Variants in RIMS1 observed in about 807,000 individuals in gnomAD.
RIMS1 encodes the protein regulating synaptic membrane exocytosis 1.
RIMS1 carries 83 observed loss-of-function variants against 214.1 expected under a neutral mutation model. The ratio of observed to expected loss-of-function variants is 0.39; its 90% CI spans 0.32 to 0.47. The LOEUF (loss-of-function observed/expected upper bound fraction) is 0.47, where lower values mean the gene tolerates loss of function less well. RIMS1 is among the 20% of genes least tolerant of loss of function. The pLI is 0.99. For missense variants in RIMS1, 2,050 were observed against 2,161.8 expected (o/e 0.95, Z 1.03); for synonymous variants, 793 against 786.8 (o/e 1.01, Z -0.13).
chr6:72,164,555 T>C (rs2045991141), intron 4 of RIMS1, among the ~76,000 whole-genome samples: 1 of 152,244 alleles, frequency 6.6e-6, no homozygotes, highest in Non-Finnish European at 1.5e-5. Context: ...TATTTTTCTG[T>C]AGTTTTATTA....
chr6:71,963,445 T>G (rs1177263917), intron 1 of RIMS1, among the ~76,000 whole-genome samples: 1 of 152,172 alleles, frequency 6.6e-6, no homozygotes, highest in Non-Finnish European at 1.5e-5. Flanking sequence ...AAGTTCTTCT[T>G]ATTTTCCTGC....
At chr6:71,994,794 C>A (rs1177932630) in intron 2 of RIMS1, among the ~76,000 whole-genome samples, 1 of 152,104 alleles carries the variant, frequency 6.6e-6, no homozygotes, top group African/African-American at 2.4e-5. Flanking sequence ...TAATTTCTCC[C>A]TTAAATTATG....
chr6:72,325,546 T>C (rs1218311135), intron 28 of RIMS1, among the ~76,000 whole-genome samples: 1 of 151,496 alleles, frequency 6.6e-6, no homozygotes, highest in African/African-American at 2.4e-5. Context: ...TTTTATGTAC[T>C]AGCAACAAAC....
At chr6:72,117,683 G>A (rs551196921) in intron 4 of RIMS1, among the ~76,000 whole-genome samples, 95 of 151,900 alleles carry the variant, frequency 6.3e-4, no homozygotes, top group African/African-American at 2.1e-3. Context: ...TTATATTTAG[G>A]TTAACAATGA....
intron 4 of RIMS1, among the ~76,000 whole-genome samples, chr6:72,141,260 G>A (rs2042045367): frequency 6.6e-6 from 1 of 151,990 alleles, no homozygotes; most frequent in African/African-American, 2.4e-5. Context: ...GATAATAAAA[G>A]CATCAGTGAC....
intron 4 of RIMS1, among the ~76,000 whole-genome samples, chr6:72,107,333 A>T (rs1267575504): frequency 6.6e-6 from 1 of 152,118 alleles, no homozygotes; most frequent in Non-Finnish European, 1.5e-5. Context: ...GGCTGCGGGG[A>T]GTGGATCACC....
intron 6 of RIMS1, among the ~76,000 whole-genome samples, chr6:72,186,350 C>T (rs530686078): frequency 6.6e-6 from 1 of 152,310 alleles, no homozygotes; most frequent in Non-Finnish European, 1.5e-5. Flanking sequence ...CTATATAATG[C>T]TGTAGCCCCA....
At chr6:72,128,109 T>G (rs1468098904) in intron 4 of RIMS1, among the ~76,000 whole-genome samples, 7 of 152,190 alleles carry the variant, frequency 4.6e-5, no homozygotes, top group Admixed American at 4.6e-4. Context: ...CCTGCTGAAG[T>G]TAGACTACTC....
At chr6:72,135,853 C>T (rs750999006) in intron 4 of RIMS1, among the ~76,000 whole-genome samples, 1 of 152,120 alleles carries the variant, frequency 6.6e-6, no homozygotes, top group Non-Finnish European at 1.5e-5. Context: ...CCCATTTACA[C>T]CAAACCCACG....
chr6:72,048,189 T>G (rs1823602733), intron 2 of RIMS1, among the ~76,000 whole-genome samples: 1 of 152,168 alleles, frequency 6.6e-6, no homozygotes, highest in Non-Finnish European at 1.5e-5. Context: ...GTGGCAAATA[T>G]AACAAGAGCT....
chr6:72,345,277 A>G (rs764503406), intron 29 of RIMS1, among the ~76,000 whole-genome samples: 10 of 151,850 alleles, frequency 6.6e-5, no homozygotes, highest in African/African-American at 9.7e-5. Flanking sequence ...TATCACCACT[A>G]ATTGCAAAGT....
chr6:72,343,733 T>A (rs1336115520), intron 29 of RIMS1, among the ~76,000 whole-genome samples: 4 of 151,602 alleles, frequency 2.6e-5, no homozygotes, highest in Admixed American at 6.6e-5. Flanking sequence ...AGGAGGTCCA[T>A]AGTGGAGTTC....
chr6:72,164,892 A>G (rs1438229123), intron 4 of RIMS1, among the ~76,000 whole-genome samples: 1 of 152,160 alleles, frequency 6.6e-6, no homozygotes, highest in Non-Finnish European at 1.5e-5. Flanking sequence ...TTGAGGTTTC[A>G]CACTTATGAC....
chr6:71,972,219 A>G (rs1255885405), intron 2 of RIMS1, among the ~76,000 whole-genome samples: 1 of 152,158 alleles, frequency 6.6e-6, no homozygotes, highest in Non-Finnish European at 1.5e-5. Flanking sequence ...ATCAAGAAAT[A>G]AGGGATGAAA....
intron 31 of RIMS1, among the ~76,000 whole-genome samples, chr6:72,395,953 A>G (rs1001417308): frequency 6.6e-6 from 1 of 151,824 alleles, no homozygotes; most frequent in African/African-American, 2.4e-5. Context: ...TAAAAATTAT[A>G]TATATAATTG....
chr6:72,254,520 A>C (rs2074951064), intron 16 of RIMS1, among the ~76,000 whole-genome samples: 1 of 152,216 alleles, frequency 6.6e-6, no homozygotes, highest in South Asian at 2.1e-4. Flanking sequence ...CAGGAATCTT[A>C]ACTATTAGTC....
At chr6:71,926,827 T>C (rs1390375685) in intron 1 of RIMS1, among the ~76,000 whole-genome samples, 1 of 152,208 alleles carries the variant, frequency 6.6e-6, no homozygotes, top group Non-Finnish European at 1.5e-5. Flanking sequence ...AATCAGGATA[T>C]AATATTTGTT....
At chr6:71,987,582 T>C (rs147549116) in intron 2 of RIMS1, among the ~76,000 whole-genome samples, 3 of 152,250 alleles carry the variant, frequency 2.0e-5, no homozygotes, top group Admixed American at 6.5e-5. Context: ...TCACAACAAA[T>C]ATCAAACACC....
chr6:72,036,380 C>G (rs1055175813), intron 2 of RIMS1, among the ~76,000 whole-genome samples: 5 of 152,076 alleles, frequency 3.3e-5, no homozygotes, highest in Non-Finnish European at 7.4e-5. Flanking sequence ...CTTCACAGAA[C>G]TGTTTGTATG....
Sources: allele counts gnomAD v4.1 joint callset (sites outside exome capture counted in the v4.1 genomes callset), GRCh38; gene constraint gnomAD v4.1.1; transcripts MANE v1.5; gene names NCBI Gene and HGNC (gene_info 2026-07-23, HGNC 2026-07-21).